GHR: variants seen among roughly 807,000 people sequenced by gnomAD.
GHR encodes the protein growth hormone receptor, also known as GH receptor.
In GHR, 35 loss-of-function variants were observed where a neutral mutation model predicts 67.1. The observed-to-expected ratio is 0.52, with a 90% confidence interval of 0.40 to 0.69. The LOEUF (loss-of-function observed/expected upper bound fraction) is 0.69. GHR is among the 30% of genes least tolerant of loss of function. GHR has a pLI of 0.00. For synonymous variants in GHR, 272 were observed against 269.1 expected (o/e 1.01, Z -0.10); for missense variants, 792 against 764.6 (o/e 1.04, Z -0.42).
chr5:42,631,087 G>A (rs1260258082), intron 3 of GHR, among the ~76,000 whole-genome samples: 2 of 151,986 alleles, frequency 1.3e-5, no homozygotes, highest in African/African-American at 4.8e-5. Flanking sequence ...AAGGAGTCTT[G>A]AGAAAGTGTG....
intron 5 of GHR, 112 bp downstream of exon 5, chr5:42,695,201 A>T: frequency 6.6e-6 from 5 of 759,910 alleles, no homozygotes; most frequent in Non-Finnish European, 7.0e-6. Context: ...TGTTCTATAG[A>T]TACATGGAGA....
chr5:42,715,953 C>T (rs1369416680), intron 8 of GHR, among the ~76,000 whole-genome samples: 2 of 152,168 alleles, frequency 1.3e-5, no homozygotes, highest in East Asian at 3.9e-4. Flanking sequence ...GCTTGGGCCT[C>T]TTAGATTTAT....
At chr5:42,455,661 G>A (rs1744229899) in intron 1 of GHR, among the ~76,000 whole-genome samples, 1 of 152,310 alleles carries the variant, frequency 6.6e-6, no homozygotes, top group South Asian at 2.1e-4. Flanking sequence ...CAAGTCCTTT[G>A]CCTTCATGGA....
At chr5:42,534,007 C>T (rs192920140) in intron 1 of GHR, among the ~76,000 whole-genome samples, 305 of 151,204 alleles carry the variant, frequency 2.0e-3, no homozygotes, top group Non-Finnish European at 3.2e-3. Flanking sequence ...TTAATTCATT[C>T]CTTTCTATGG....
chr5:42,504,193 T>A (rs4530764), intron 1 of GHR, among the ~76,000 whole-genome samples: 68,544 of 151,984 alleles, frequency 0.45, 15,890 homozygotes, highest in Middle Eastern at 0.51. Context: ...ATTGCCCAGG[T>A]TGAATATTAT....
chr5:42,428,309 C>T (rs1466028819), intron 1 of GHR, among the ~76,000 whole-genome samples: 2 of 152,184 alleles, frequency 1.3e-5, no homozygotes, highest in African/African-American at 4.8e-5. Context: ...CCCTTTTAGA[C>T]ATGGCTAGAG....
intron 1 of GHR, among the ~76,000 whole-genome samples, chr5:42,472,657 G>C (rs556143893): frequency 6.6e-6 from 1 of 152,322 alleles, no homozygotes; most frequent in East Asian, 1.9e-4. Context: ...TGGTGGATGG[G>C]TGACTAAGGC....
intron 2 of GHR, among the ~76,000 whole-genome samples, chr5:42,610,624 G>T (rs1213524937): frequency 1.3e-5 from 2 of 151,918 alleles, no homozygotes; most frequent in Non-Finnish European, 2.9e-5. Context: ...GCTGCAGAAG[G>T]CTGGAAGAGA....
At chr5:42,512,546 T>G (rs543840117) in intron 1 of GHR, among the ~76,000 whole-genome samples, 1 of 152,298 alleles carries the variant, frequency 6.6e-6, no homozygotes, top group East Asian at 1.9e-4. Context: ...TATAAGGCTG[T>G]GTGACCAGAG....
chr5:42,623,076 A>C (rs1257183530), intron 2 of GHR, among the ~76,000 whole-genome samples: 5 of 152,222 alleles, frequency 3.3e-5, no homozygotes, highest in African/African-American at 4.8e-5. Flanking sequence ...AGCAATAATA[A>C]TAATGACAAA....
intron 1 of GHR, among the ~76,000 whole-genome samples, chr5:42,474,363 GTGTC>G (rs763265832): frequency 4.2e-5 from 5 of 118,164 alleles, no homozygotes; most frequent in Non-Finnish European, 7.5e-5. Flanking sequence ...AGAAAGCAAA[GTGTC>G]TGTCTGCCAA....
chr5:42,689,760 C>G (rs1421712909), intron 4 of GHR, among the ~76,000 whole-genome samples: 1 of 152,122 alleles, frequency 6.6e-6, no homozygotes, highest in Non-Finnish European at 1.5e-5. Flanking sequence ...AAGGGCAAGG[C>G]TTTGAATTTT....
intron 3 of GHR, among the ~76,000 whole-genome samples, chr5:42,673,262 C>T (rs1485906931): frequency 2.6e-5 from 4 of 151,908 alleles, no homozygotes; most frequent in African/African-American, 4.8e-5. Flanking sequence ...AAACAACAGA[C>T]GCTGGCAAGG....
At chr5:42,599,312 G>A (rs1261032041) in intron 2 of GHR, among the ~76,000 whole-genome samples, 3 of 151,242 alleles carry the variant, frequency 2.0e-5, no homozygotes, top group Non-Finnish European at 2.9e-5. Context: ...ACTGATATCC[G>A]TGAGCCAAAT....
chr5:42,699,047 A>G (rs1032852194), intron 5 of GHR, among the ~76,000 whole-genome samples: 5 of 152,250 alleles, frequency 3.3e-5, no homozygotes, highest in African/African-American at 9.6e-5. Context: ...GTGACAGTCA[A>G]AAAGACAGAA....
intron 8 of GHR, among the ~76,000 whole-genome samples, chr5:42,717,308 TA>T (rs1194164905): frequency 6.6e-6 from 1 of 151,876 alleles, no homozygotes; most frequent in Non-Finnish European, 1.5e-5. Flanking sequence ...CAAAAAGTTT[TA>T]AAAAAAATTA....
chr5:42,650,575 TA>T (rs1483343664), intron 3 of GHR, among the ~76,000 whole-genome samples: 1,918 of 64,006 alleles, frequency 0.03, 42 homozygotes, highest in African/African-American at 0.1. Context: ...CTTTTACAGA[TA>T]ACATATATAT....
At chr5:42,694,766 T>C in intron 4 of GHR, 151 bp from the exon 5 acceptor site, 1 of 700,618 alleles carries the variant, frequency 1.4e-6, no homozygotes, top group South Asian at 1.6e-5. Context: ...TCCACTGATG[T>C]GATATGTCTC....
chr5:42,574,889 AG>A lies in GHR; in HGVS notation c.70+8947del, dbSNP rs369310693. Among the ~76,000 whole-genome samples the A allele has an allele frequency of 3.7e-4, 57 of 152,306 alleles. 2 individuals carry two copies. The South Asian group carries it at 9.9e-3, about 27-fold the overall frequency. On this transcript the variant is annotated intron_variant, in intron 2 of 9. Coordinates refer to ENST00000230882, the MANE Select transcript of GHR (RefSeq NM_000163.5). ...CTGATGCCTTAAAGCAGAGGGTAAA[AG>A]GAAAAGACTGAAATTCCAGGCTAAA...
Sources: gnomAD v4.1 joint callset for allele counts (sites outside exome capture counted in the v4.1 genomes callset) on GRCh38, gnomAD v4.1.1 for gene constraint, MANE v1.5 for transcripts, NCBI Gene and HGNC (gene_info 2026-07-23, HGNC 2026-07-21) for gene names.